The following HECW1 variants were observed in gnomAD, a reference collection of about 807,000 sequenced individuals.
The protein encoded by HECW1 is HECT, C2 and WW domain containing E3 ubiquitin protein ligase 1.
In HECW1, 61 loss-of-function variants were observed where a neutral mutation model predicts 182.3. That is an observed-to-expected ratio of 0.33 (90% CI 0.27 to 0.41). The LOEUF (loss-of-function observed/expected upper bound fraction) is 0.41. HECW1 is among the 10% of genes least tolerant of loss of function. HECW1 has a pLI of 1.00. For synonymous variants in HECW1, 859 were observed against 832.6 expected (o/e 1.03, Z -0.55); for missense variants, 1,739 against 2,108.9 (o/e 0.82, Z 3.44).
chr7:43,344,998 T>C (rs1396278798), intron 5 of HECW1, among the ~76,000 whole-genome samples: 1 of 152,226 alleles, frequency 6.6e-6, no homozygotes, highest in Non-Finnish European at 1.5e-5. Flanking sequence ...GACTTTATTT[T>C]GTATAAGGGT....
intron 16 of HECW1, among the ~76,000 whole-genome samples, chr7:43,474,578 T>G (rs2078150869): frequency 6.6e-6 from 1 of 151,900 alleles, no homozygotes; most frequent in African/African-American, 2.4e-5. Context: ...TTATATTAAA[T>G]AAAGAAAAAT....
At chr7:43,491,262 C>A (rs141380381) in intron 17 of HECW1, among the ~76,000 whole-genome samples, 349 of 152,280 alleles carry the variant, frequency 2.3e-3, no homozygotes, top group African/African-American at 7.4e-3. Context: ...CCTGGGGAAA[C>A]TTTACTTTTC....
chr7:43,323,262 C>T (rs1810356931), intron 5 of HECW1, among the ~76,000 whole-genome samples: 2 of 152,142 alleles, frequency 1.3e-5, no homozygotes, highest in South Asian at 2.1e-4. Context: ...ATATAATTGT[C>T]CTCATGGGCA....
chr7:43,167,875 C>G (rs557692133), intron 2 of HECW1, among the ~76,000 whole-genome samples: 125 of 152,250 alleles, frequency 8.2e-4, no homozygotes, highest in African/African-American at 2.8e-3. Flanking sequence ...CAAATTGAGG[C>G]TTGGAGAGGT....
intron 24 of HECW1, among the ~76,000 whole-genome samples, chr7:43,527,019 A>G (rs767694307): frequency 3.3e-5 from 5 of 152,220 alleles, no homozygotes; most frequent in Non-Finnish European, 5.9e-5. Context: ...TTTTGAGGCT[A>G]TAGCAGGTTT....
At chr7:43,274,489 C>T in intron 3 of HECW1, 1 of 616,298 alleles carries the variant, frequency 1.6e-6, no homozygotes. Context: ...CACCCAGGCC[C>T]ACTGCATCCA....
At chr7:43,397,728 G>A (rs2075275951) in intron 7 of HECW1, among the ~76,000 whole-genome samples, 1 of 152,208 alleles carries the variant, frequency 6.6e-6, no homozygotes, top group Non-Finnish European at 1.5e-5. Flanking sequence ...CAATTGATCA[G>A]TTAGAGTGGG....
chr7:43,188,935 A>C lies in HECW1; in HGVS notation c.-31-54940A>C, dbSNP rs533989386. Among the ~76,000 whole-genome samples, 59 of 152,312 alleles carry C rather than the reference A, an allele frequency of 3.9e-4. 2 individuals are homozygous for C. The South Asian group carries it at 4.4e-3, about 11-fold the overall frequency. On this transcript the variant is annotated intron_variant, in intron 2 of 29. Transcript: ENST00000395891. ...ACAATTATAGGACTGGTTCTTTTAA[A>C]CAGCCTACATTTAAGCCAATCCGTG... is the stretch of plus-strand genomic sequence containing the variant.
rs1290504954 is a variant in HECW1, at chr7:43,309,395, CTTT to C, written c.28-2367_28-2365del. Among the ~76,000 whole-genome samples the C allele has an allele frequency of 2.6e-5, 4 of 152,176 alleles. No individual in the cohort carries two copies. In the East Asian group the frequency reaches 7.7e-4, roughly 29 times the overall value. On this transcript the variant is annotated intron_variant, in intron 3 of 29. Transcript: ENST00000395891. ...TCCAGTAATCACTGACAAACGTCTT[CTTT>C]GACTAATGTTTCCTTCTCTATCTTT... is the stretch of plus-strand genomic sequence containing the variant.
At chr7:43,507,375 G>A (rs960800028) in intron 22 of HECW1, 118 bp downstream of exon 22, 1 of 967,494 alleles carries the variant, frequency 1.0e-6, no homozygotes, top group Non-Finnish European at 1.5e-6. Context: ...AGTGGTTATG[G>A]TCTGAAGCGG....
chr7:43,460,856 A>G (rs1035223092), intron 13 of HECW1, among the ~76,000 whole-genome samples: 1 of 152,184 alleles, frequency 6.6e-6, no homozygotes, highest in African/African-American at 2.4e-5. Flanking sequence ...ACGTAGGGTC[A>G]AATGCAGGAT....
chr7:43,120,194 C>A (rs1393868118), intron 2 of HECW1, among the ~76,000 whole-genome samples: 2 of 152,156 alleles, frequency 1.3e-5, no homozygotes, highest in Admixed American at 1.3e-4. Context: ...CTCTCCGAGT[C>A]CCCAGTTGTC....
chr7:43,374,117 T>C (rs1264339876), intron 6 of HECW1, among the ~76,000 whole-genome samples: 2 of 152,228 alleles, frequency 1.3e-5, no homozygotes, highest in South Asian at 2.1e-4. Context: ...GGAAAATTAT[T>C]TGTTGTTTCA....
chr7:43,147,843 TTC>T (rs1788881106), intron 2 of HECW1, among the ~76,000 whole-genome samples: 1 of 152,208 alleles, frequency 6.6e-6, no homozygotes, highest in South Asian at 2.1e-4. Flanking sequence ...ATTTTCAGTC[TTC>T]CCTACTAGAC....
intron 2 of HECW1, among the ~76,000 whole-genome samples, chr7:43,125,783 G>A (rs1266463786): frequency 2.0e-5 from 2 of 100,490 alleles, no homozygotes; most frequent in African/African-American, 7.7e-5. Flanking sequence ...AAAAAAAAGA[G>A]TGAGGCATTA....
intron 2 of HECW1, among the ~76,000 whole-genome samples, chr7:43,211,928 C>A (rs1293405201): frequency 1.3e-5 from 2 of 152,160 alleles, no homozygotes; most frequent in Non-Finnish European, 2.9e-5. Context: ...GGAGTAATGA[C>A]AAGTTTCATT....
intron 2 of HECW1, among the ~76,000 whole-genome samples, chr7:43,217,955 A>T (rs1240812120): frequency 6.6e-6 from 1 of 152,098 alleles, no homozygotes; most frequent in East Asian, 1.9e-4. Context: ...AGAGTGCAGG[A>T]TTTCCTCGAA....
At chr7:43,488,079 G>A (rs1011174490) in intron 17 of HECW1, among the ~76,000 whole-genome samples, 20 of 152,004 alleles carry the variant, frequency 1.3e-4, no homozygotes, top group African/African-American at 4.6e-4. Context: ...GGAGACCGAG[G>A]CAGGCAGATC....
intron 3 of HECW1, among the ~76,000 whole-genome samples, chr7:43,286,763 C>T (rs1804693703): frequency 1.3e-5 from 2 of 152,272 alleles, no homozygotes; most frequent in Admixed American, 1.3e-4. Flanking sequence ...AAGTCATAGT[C>T]TCGGCCTACA....
Sources: gnomAD v4.1 joint callset for allele counts (sites outside exome capture counted in the v4.1 genomes callset) on GRCh38, gnomAD v4.1.1 for gene constraint, MANE v1.5 for transcripts, NCBI Gene and HGNC (gene_info 2026-07-23, HGNC 2026-07-21) for gene names.